FAAH2: variants seen among roughly 807,000 people sequenced by gnomAD.
The protein encoded by FAAH2 is fatty acid amide hydrolase 2.
FAAH2 carries 60 observed loss-of-function variants against 36.9 expected under a neutral mutation model. The ratio of observed to expected loss-of-function variants is 1.63; its 90% CI spans 1.32 to 2.02. The LOEUF is 2.02. Ranked by LOEUF, FAAH2 falls within the 30% of genes most tolerant of loss-of-function variation. FAAH2 has a pLI of 0.00. For missense variants in FAAH2, 689 were observed against 397.5 expected (o/e 1.73, Z -6.23); for synonymous variants, 214 against 143.8 (o/e 1.49, Z -3.49).
intron 8 of FAAH2, among the ~76,000 whole-genome samples, chrX:57,446,400 A>G (rs2056675023): frequency 8.9e-6 from 1 of 112,211 alleles, no homozygotes; most frequent in Admixed American, 9.4e-5. Flanking sequence ...TGCTCTGCCT[A>G]CACTTCCCTA....
At chrX:57,394,568 C>G in intron 7 of FAAH2, 7 of 1,204,600 alleles carry the variant, frequency 5.8e-6, no homozygotes, top group Non-Finnish European at 7.9e-6. Context: ...CTCCAGGAAA[C>G]GCTTGGCACT....
chrX:57,253,096 C>A, the FAAH2 span, among the ~76,000 whole-genome samples: 1 of 111,714 alleles, frequency 9.0e-6, no homozygotes, highest in East Asian at 2.8e-4. Context: ...CGGAAAACCA[C>A]AGTACTAGAC....
intron 3 of FAAH2, among the ~76,000 whole-genome samples, chrX:57,321,006 G>C (rs779180156): frequency 2.7e-5 from 3 of 110,051 alleles, no homozygotes; most frequent in Non-Finnish European, 3.8e-5. Flanking sequence ...TGGGTGTGGT[G>C]GTGGGCGCCT....
intron 5 of FAAH2, among the ~76,000 whole-genome samples, chrX:57,356,922 A>G (rs1020660950): frequency 9.1e-6 from 1 of 110,495 alleles, no homozygotes; most frequent in Non-Finnish European, 1.9e-5. Context: ...TATTTTTTCT[A>G]CTGCTATCCC....
At chrX:57,156,710 T>C in the FAAH2 span, among the ~76,000 whole-genome samples, 1 of 111,733 alleles carries the variant, frequency 8.9e-6, no homozygotes, top group Non-Finnish European at 1.9e-5. Flanking sequence ...CCAAGCAAAG[T>C]CTCTTGCTCT....
At chrX:57,426,543 A>G (rs370795852) in intron 7 of FAAH2, among the ~76,000 whole-genome samples, 330 of 112,036 alleles carry the variant, frequency 2.9e-3, no homozygotes, top group African/African-American at 0.01. Flanking sequence ...CAAACTTATA[A>G]AAAATATCTT....
chrX:57,193,840 C>G, the FAAH2 span, among the ~76,000 whole-genome samples: 1 of 111,996 alleles, frequency 8.9e-6, no homozygotes, highest in African/African-American at 3.2e-5. Flanking sequence ...ATTGAGTATG[C>G]TGAACCGTTC....
At chrX:57,401,377 A>G (rs1346204139) in intron 7 of FAAH2, among the ~76,000 whole-genome samples, 7 of 111,299 alleles carry the variant, frequency 6.3e-5, no homozygotes, top group Non-Finnish European at 1.3e-4. Flanking sequence ...AAGAATTGAG[A>G]GTCAGGATGT....
intron 5 of FAAH2, among the ~76,000 whole-genome samples, chrX:57,348,043 G>T (rs929602033): frequency 5.4e-5 from 6 of 110,746 alleles, no homozygotes; most frequent in Non-Finnish European, 1.1e-4. Flanking sequence ...GATCACTAGT[G>T]CAGTGCCTAC....
the FAAH2 span, chrX:57,127,154 A>G: frequency 9.0e-6 from 1 of 111,131 alleles, no homozygotes; most frequent in African/African-American, 3.3e-5. Flanking sequence ...CCCAGACTTA[A>G]ATGATATAGT....
At chrX:57,231,855 T>C in the FAAH2 span, among the ~76,000 whole-genome samples, 1 of 111,680 alleles carries the variant, frequency 9.0e-6, no homozygotes, top group African/African-American at 3.2e-5. Flanking sequence ...AACATAAACA[T>C]TAGAGGTTGT....
chrX:57,327,984 G>A (rs2053269203), intron 3 of FAAH2, among the ~76,000 whole-genome samples: 1 of 111,227 alleles, frequency 9.0e-6, no homozygotes, highest in African/African-American at 3.3e-5. Context: ...TCTACCTTTG[G>A]TCTTTGATGA....
the FAAH2 span, among the ~76,000 whole-genome samples, chrX:57,162,932 G>A: frequency 8.9e-6 from 1 of 112,659 alleles, no homozygotes; most frequent in African/African-American, 3.2e-5. Context: ...AGGAGGAGAG[G>A]CGCTCTGCTT....
At chrX:57,335,373 C>A (rs2053519539) in intron 4 of FAAH2, among the ~76,000 whole-genome samples, 1 of 111,774 alleles carries the variant, frequency 8.9e-6, no homozygotes, top group African/African-American at 3.3e-5. Context: ...TGTGGCAGGA[C>A]AATAGGATAA....
chrX:57,416,334 C>T (rs777309893), intron 7 of FAAH2, among the ~76,000 whole-genome samples: 1 of 111,276 alleles, frequency 9.0e-6, no homozygotes, highest in African/African-American at 3.3e-5. Context: ...ATGGTCTTTA[C>T]AATTTTGTAT....
the FAAH2 span, among the ~76,000 whole-genome samples, chrX:57,128,656 A>T: frequency 1.8e-5 from 2 of 111,841 alleles, no homozygotes; most frequent in Non-Finnish European, 3.8e-5. Flanking sequence ...CAATACAGGA[A>T]AAAGGACCAA....
chrX:57,298,833 C>A (rs767415124), intron 2 of FAAH2, among the ~76,000 whole-genome samples: 2 of 101,162 alleles, frequency 2.0e-5, no homozygotes, highest in African/African-American at 7.2e-5. Context: ...CACCTGTATG[C>A]AAATAAACTA....
At chrX:57,157,926 G>A in the FAAH2 span, among the ~76,000 whole-genome samples, 10 of 110,185 alleles carry the variant, frequency 9.1e-5, no homozygotes, top group Admixed American at 6.8e-4. Flanking sequence ...TTATACAAGT[G>A]CCATGTTGGT....
At chrX:57,261,552 CAAAAAAAAAAAAA>C in the FAAH2 span, among the ~76,000 whole-genome samples, 1 of 23,386 alleles carries the variant, frequency 4.3e-5, no homozygotes, top group Non-Finnish European at 6.9e-5. Flanking sequence ...GACTCTGTCT[CAAAAAAAAAAAAA>C]AAAAAAAAAA....
Sources: allele counts gnomAD v4.1 joint callset (sites outside exome capture counted in the v4.1 genomes callset), GRCh38; gene constraint gnomAD v4.1.1; transcripts MANE v1.5; gene names NCBI Gene and HGNC (gene_info 2026-07-23, HGNC 2026-07-21).